The following NCOA3 variants were observed in gnomAD, a reference collection of about 807,000 sequenced individuals.
NCOA3 encodes the protein CBP-interacting protein.
In NCOA3, 51 loss-of-function variants were observed where a neutral mutation model predicts 158.8. The ratio of observed to expected loss-of-function variants is 0.32; its 90% CI spans 0.26 to 0.41. The LOEUF is 0.41. Ranked by LOEUF, NCOA3 falls within the 10% of genes least tolerant of loss-of-function variation. The pLI is 1.00. For missense variants in NCOA3, 1,510 were observed against 1,746.6 expected (o/e 0.86, Z 2.41); for synonymous variants, 537 against 592.4 (o/e 0.91, Z 1.36).
intron 1 of NCOA3, among the ~76,000 whole-genome samples, chr20:47,570,979 CAT>C (rs1491548559): frequency 1.3e-5 from 1 of 78,460 alleles, no homozygotes; most frequent in African/African-American, 5.1e-5. Flanking sequence ...CAAGTATATA[CAT>C]ATATGTGTGT....
intron 1 of NCOA3, among the ~76,000 whole-genome samples, chr20:47,551,918 A>G (rs1449920852): frequency 6.6e-6 from 1 of 152,238 alleles, no homozygotes; most frequent in Non-Finnish European, 1.5e-5. Flanking sequence ...TAGGTTTTAA[A>G]AAAACTTTAA....
chr20:47,633,272 G>T (rs1178182967), intron 8 of NCOA3, among the ~76,000 whole-genome samples: 1 of 152,158 alleles, frequency 6.6e-6, no homozygotes. Context: ...ATCTGACAAA[G>T]ACCAAATGTA....
At chr20:47,584,122 C>G (rs1881952892) in intron 2 of NCOA3, among the ~76,000 whole-genome samples, 1 of 151,852 alleles carries the variant, frequency 6.6e-6, no homozygotes, top group Admixed American at 6.6e-5. Flanking sequence ...CAGTAACACC[C>G]CCAGTTCTAC....
At chr20:47,522,099 CTTTTT>C (rs772811888) in intron 1 of NCOA3, among the ~76,000 whole-genome samples, 7 of 76,836 alleles carry the variant, frequency 9.1e-5, no homozygotes, top group African/African-American at 3.1e-4. Context: ...TTGTACAGAT[CTTTTT>C]TTTTTTTTTT....
In NCOA3 at chr20:47,522,406, C is replaced by CTTTTTTTTTTTTTTT. The variant is rs3091963; in HGVS notation, c.-99+20391_-99+20405dup. ...CAGGCGTGAGCCACAGCGCCCGGCC[C>CTTTTTTTTTTTTTTT]TTTTTTTTTTTTTTTTTTGTGGTTT... On this transcript the variant is annotated intron_variant, in intron 1 of 22. Transcript: ENST00000371998. 8.3e-4 allele frequency among the ~76,000 whole-genome samples: 106 copies of CTTTTTTTTTTTTTTT among 128,126 alleles called. 2 individuals carry two copies. Among genetic ancestry groups the CTTTTTTTTTTTTTTT allele is most frequent in the African/African-American group, 3.0e-3 (102 of 33,692 alleles). The allele number at this position is 128,126 out of a possible 152,430, so 84.1% of individuals were successfully genotyped here. A position where few individuals can be genotyped will look rare whatever the true frequency, so the allele number is the denominator to read the frequency against.
chr20:47,601,942 A>G (rs906667778), intron 2 of NCOA3, among the ~76,000 whole-genome samples: 2 of 152,228 alleles, frequency 1.3e-5, no homozygotes, highest in African/African-American at 4.8e-5. Flanking sequence ...AGCAACTTTG[A>G]AAGCTTTGCA....
rs147218087 is a variant in NCOA3 at position 47,543,147 on chromosome 20, C to T, written c.-98-40036C>T. 4.0e-3 allele frequency among the ~76,000 whole-genome samples: 611 copies of T among 152,218 alleles called. 3 individuals carry two copies. Among genetic ancestry groups the T allele is most frequent in the African/African-American group, 0.014 (581 of 41,532 alleles). ...GCTTCCGAGGTGGCTTACTCAGTGA[C>T]CATTGGTGGGAGGTCTCAGTTTCTG... On this transcript the variant is annotated intron_variant, in intron 1 of 22. Coordinates refer to ENST00000371998, the MANE Select transcript of NCOA3 (RefSeq NM_181659.3).
intron 2 of NCOA3, among the ~76,000 whole-genome samples, chr20:47,586,398 T>C (rs1171880322): frequency 6.6e-6 from 1 of 151,630 alleles, no homozygotes; most frequent in Admixed American, 6.6e-5. Flanking sequence ...CACAATTTTT[T>C]TTTTTAACCA....
chr20:47,527,203 G>A (rs1316357256), intron 1 of NCOA3, among the ~76,000 whole-genome samples: 1 of 151,734 alleles, frequency 6.6e-6, no homozygotes, highest in Non-Finnish European at 1.5e-5. Flanking sequence ...TTGTTATGGC[G>A]AGTACTTCTA....
intron 2 of NCOA3, among the ~76,000 whole-genome samples, chr20:47,611,741 G>A (rs1253088797): frequency 6.6e-6 from 1 of 152,070 alleles, no homozygotes; most frequent in Admixed American, 6.6e-5. Flanking sequence ...TTAGTAAGCC[G>A]AGATTGCGCC....
intron 3 of NCOA3, among the ~76,000 whole-genome samples, chr20:47,622,744 T>C (rs563230353): frequency 4.9e-4 from 74 of 152,256 alleles, no homozygotes; most frequent in African/African-American, 1.7e-3. Flanking sequence ...TTAGTTCTTA[T>C]AGGTTTTGGG....
At chr20:47,552,810 A>G (rs1436513998) in intron 1 of NCOA3, among the ~76,000 whole-genome samples, 3 of 152,168 alleles carry the variant, frequency 2.0e-5, no homozygotes, top group Admixed American at 2.0e-4. Flanking sequence ...AGAAAATCAG[A>G]GCTATGTGTC....
chr20:47,546,554 C>A (rs1216046835), intron 1 of NCOA3, among the ~76,000 whole-genome samples: 1 of 145,736 alleles, frequency 6.9e-6, no homozygotes, highest in Non-Finnish European at 1.5e-5. Flanking sequence ...TTTTTAAGAC[C>A]GAATTTCCCT....
At chr20:47,618,174 G>T (rs188339877) in intron 2 of NCOA3, among the ~76,000 whole-genome samples, 43 of 152,238 alleles carry the variant, frequency 2.8e-4, no homozygotes, top group Non-Finnish European at 5.0e-4. Context: ...GGCGGAGGTT[G>T]CAGTGAACTG....
intron 1 of NCOA3, among the ~76,000 whole-genome samples, chr20:47,504,038 T>C (rs2083984820): frequency 6.6e-6 from 1 of 152,204 alleles, no homozygotes; most frequent in Admixed American, 6.6e-5. Flanking sequence ...ATAGGAAATA[T>C]TTCTGCCATA....
intron 2 of NCOA3, among the ~76,000 whole-genome samples, chr20:47,617,234 G>A (rs1377050422): frequency 2.0e-5 from 3 of 152,216 alleles, no homozygotes; most frequent in Non-Finnish European, 2.9e-5. Flanking sequence ...GGGATTACAG[G>A]CGTGAGCCAC....
At chr20:47,547,228 G>A (rs1010665751) in intron 1 of NCOA3, among the ~76,000 whole-genome samples, 5 of 151,924 alleles carry the variant, frequency 3.3e-5, no homozygotes, top group African/African-American at 1.2e-4. Flanking sequence ...TTCATTTGTC[G>A]AGTGAATAAA....
At chr20:47,599,045 T>G (rs1293361735) in intron 2 of NCOA3, among the ~76,000 whole-genome samples, 1 of 152,234 alleles carries the variant, frequency 6.6e-6, no homozygotes, top group Non-Finnish European at 1.5e-5. Context: ...GCGTAGGAGC[T>G]GTAGGCTATA....
intron 1 of NCOA3, among the ~76,000 whole-genome samples, chr20:47,542,009 G>GTTTTTTTGTTTTTTTTTTTTTTTTTTTTT (rs71183262): frequency 3.6e-5 from 2 of 56,318 alleles, no homozygotes; most frequent in Non-Finnish European, 3.5e-5. Context: ...GCCCTGTAGA[G>GTTTTTTTGTTTTTTTTTTTTTTTTTTTTT]TTTTTTTTTT....
Sources: allele counts gnomAD v4.1 joint callset (sites outside exome capture counted in the v4.1 genomes callset), GRCh38; gene constraint gnomAD v4.1.1; transcripts MANE v1.5; gene names NCBI Gene and HGNC (gene_info 2026-07-23, HGNC 2026-07-21).